MAP2K5: variants seen among roughly 807,000 people sequenced by gnomAD.
MAP2K5 encodes the protein mitogen-activated protein kinase kinase 5, also known as dual specificity mitogen-activated protein kinase kinase 5.
A neutral mutation model predicts 83.1 loss-of-function variants in MAP2K5; 49 were observed. The ratio of observed to expected loss-of-function variants is 0.59; its 90% CI spans 0.47 to 0.75. The LOEUF is 0.75. Ranked by LOEUF, MAP2K5 falls within the 30% of genes least tolerant of loss-of-function variation. The pLI, the probability that MAP2K5 is intolerant of heterozygous loss-of-function variation, is 0.00. For missense variants in MAP2K5, 457 were observed against 557.5 expected, an observed-to-expected ratio of 0.82 and a Z score of 1.82; for synonymous variants, 202 against 191.8, an observed-to-expected ratio of 1.05 and a Z score of -0.44.
chr15:67,668,636 A>T lies in MAP2K5; in HGVS notation c.847+3991A>T, dbSNP rs2087447431. The stretch of plus-strand genomic sequence containing the variant: ...GCCATCATTACCCACATCAAACATA[A>T]ATACAAGATTAACACCTATGCCATT... On this transcript the variant is annotated intron_variant, in intron 13 of 21. Coordinates refer to ENST00000178640, the MANE Select transcript of MAP2K5 (RefSeq NM_145160.3). This position sits in a 1 kb window ranked among gnomAD's most constrained non-coding sequence, Gnocchi z 4.0. 2.0e-5 allele frequency among the ~76,000 whole-genome samples: 3 copies of T among 152,144 alleles called. No homozygotes were observed. The highest frequency in any genetic ancestry group is 2.0e-4 in the Admixed American group (3 of 15,242).
At position 67,585,881 on chromosome 15, in the gene MAP2K5, C is replaced by T; in HGVS notation, c.323-9C>T. The T allele has an allele frequency of 6.2e-7, 1 of 1,613,276 alleles. No individual in the cohort carries two copies. Among genetic ancestry groups the T allele is most frequent in the South Asian group, 1.1e-5 (1 of 91,044 alleles). On this transcript the variant is annotated splice_polypyrimidine_tract_variant and intron_variant, in intron 4 of 21. Transcript: ENST00000178640. ...ATGTGTTCTACAATTTAGTCAATTACTGTTTCAGCCTGCAAGCCTCCTGGG... is the reference window on the plus strand; with the variant it reads ...ATGTGTTCTACAATTTAGTCAATTATTGTTTCAGCCTGCAAGCCTCCTGGG...
intron 12 of MAP2K5, among the ~76,000 whole-genome samples, chr15:67,662,061 G>A (rs2087252042): frequency 1.3e-5 from 2 of 152,010 alleles, no homozygotes; most frequent in African/African-American, 4.8e-5. Flanking sequence ...TTTCCAAACT[G>A]TGGAACAAGT....
At chr15:67,761,569 G>A (rs1211164043) in intron 19 of MAP2K5, among the ~76,000 whole-genome samples, 1 of 152,198 alleles carries the variant, frequency 6.6e-6, no homozygotes, top group Non-Finnish European at 1.5e-5. Flanking sequence ...TGAACATTCA[G>A]GAGGACATAC....
intron 11 of MAP2K5, among the ~76,000 whole-genome samples, chr15:67,647,112 A>T (rs759620697): frequency 8.5e-5 from 13 of 152,212 alleles, no homozygotes; most frequent in Admixed American, 5.2e-4. Flanking sequence ...TAAATTTTAC[A>T]TATTCAGTTT....
chr15:67,590,468 T>TCTCTCTCTCTTTCTCTCTCA (rs59998974), intron 6 of MAP2K5, among the ~76,000 whole-genome samples: 10 of 27,254 alleles, frequency 3.7e-4, no homozygotes, highest in African/African-American at 1.1e-3. Context: ...TCTCTCTCTC[T>TCTCTCTCTCTTTCTCTCTCA]CTCTCTCTTT....
intron 16 of MAP2K5, among the ~76,000 whole-genome samples, chr15:67,712,456 A>G (rs1323824121): frequency 1.3e-5 from 2 of 152,224 alleles, no homozygotes; most frequent in African/African-American, 4.8e-5. Flanking sequence ...CTAAAAAGAA[A>G]AGCAATTTGG....
intron 12 of MAP2K5, among the ~76,000 whole-genome samples, chr15:67,659,733 A>T (rs2087189221): frequency 6.6e-6 from 1 of 152,160 alleles, no homozygotes; most frequent in African/African-American, 2.4e-5. Context: ...AAAGGCAAGG[A>T]TACCAATTGA....
chr15:67,793,749 C>G lies in MAP2K5; in HGVS notation c.1243-12897C>G, dbSNP rs995430050. ...GCCATTTCACTGTATAGAAAATATA[C>G]TCTTTGATCACGTTGTATATAAATG... On this transcript the variant is annotated intron_variant, in intron 21 of 21. Transcript: ENST00000178640. The surrounding 1 kb of genome is among the most constrained non-coding windows in gnomAD (Gnocchi z 4.6). 1.3e-5 allele frequency among the ~76,000 whole-genome samples: 2 copies of G among 152,200 alleles called. No individual in the cohort carries two copies. The highest frequency in any genetic ancestry group is 1.3e-4 in the Admixed American group (2 of 15,284).
At chr15:67,588,026 A>C (rs1170157628) in intron 6 of MAP2K5, 1 of 890,688 alleles carries the variant, frequency 1.1e-6, no homozygotes, top group African/African-American at 1.8e-5. Flanking sequence ...TCCACCCTGC[A>C]GCTGGAGCCA....
At chr15:67,721,209 T>C (rs931814563) in intron 16 of MAP2K5, among the ~76,000 whole-genome samples, 2 of 152,192 alleles carry the variant, frequency 1.3e-5, no homozygotes, top group African/African-American at 4.8e-5. Context: ...TTATCTGTAA[T>C]GCTGTCTTTT....
intron 17 of MAP2K5, among the ~76,000 whole-genome samples, chr15:67,742,122 C>A (rs7167080): frequency 0.99 from 150,226 of 152,198 alleles, 74,172 homozygotes; most frequent in East Asian, 1. Flanking sequence ...TCATGATCTG[C>A]CCTCGTGATC....
At chr15:67,579,717 C>T (rs565498470) in intron 3 of MAP2K5, among the ~76,000 whole-genome samples, 1 of 150,170 alleles carries the variant, frequency 6.7e-6, no homozygotes, top group East Asian at 1.9e-4. Flanking sequence ...AACCCTTGCT[C>T]TTGTAATAAT....
chr15:67,675,001 A>G (rs2087641744), intron 13 of MAP2K5, among the ~76,000 whole-genome samples: 1 of 152,206 alleles, frequency 6.6e-6, no homozygotes, highest in Non-Finnish European at 1.5e-5. Flanking sequence ...GCTGGTAGGA[A>G]TGTAAAATGA....
At chr15:67,579,932 C>T (rs1277196951) in intron 3 of MAP2K5, among the ~76,000 whole-genome samples, 2 of 152,132 alleles carry the variant, frequency 1.3e-5, no homozygotes, top group Admixed American at 6.6e-5. Flanking sequence ...ATAAAATCAG[C>T]AGTTTTCATT....
intron 9 of MAP2K5, among the ~76,000 whole-genome samples, chr15:67,643,397 A>G (rs1210002928): frequency 1.3e-5 from 2 of 152,220 alleles, no homozygotes; most frequent in Non-Finnish European, 2.9e-5. Flanking sequence ...GCAGTTTTGT[A>G]TTACACTTAC....
At chr15:67,762,766 A>G (rs1432770770) in intron 19 of MAP2K5, among the ~76,000 whole-genome samples, 1 of 152,140 alleles carries the variant, frequency 6.6e-6, no homozygotes, top group Non-Finnish European at 1.5e-5. Flanking sequence ...GTTTGTTTAT[A>G]TTTTGTTTTT....
chr15:67,606,348 A>G (rs983854572), intron 8 of MAP2K5, among the ~76,000 whole-genome samples: 13 of 152,282 alleles, frequency 8.5e-5, no homozygotes, highest in South Asian at 4.2e-4. Context: ...TTCTATCTCC[A>G]GCTCCTTCCC....
chr15:67,556,824 A>G (rs904400993), intron 2 of MAP2K5, among the ~76,000 whole-genome samples: 10 of 152,186 alleles, frequency 6.6e-5, no homozygotes, highest in African/African-American at 2.2e-4. Flanking sequence ...AAGTGCTGGC[A>G]TTACAGGTAT....
rs1182545558 is a variant in MAP2K5, at chr15:67,780,674, C to A, written c.1242+7922C>A. Among the ~76,000 whole-genome samples, 3 of 152,186 alleles carry A rather than the reference C, an allele frequency of 2.0e-5. No homozygotes were observed. In the East Asian group the frequency reaches 5.8e-4, roughly 29 times the overall value. The stretch of plus-strand genomic sequence containing the variant: ...CCAGATAAAAAAGGTTTTTGTTTGA[C>A]CTCCTGCTAGGAGAGGTCATCTAGG... On this transcript the variant is annotated intron_variant, in intron 21 of 21. Transcript: ENST00000178640. This position sits in a 1 kb window ranked among gnomAD's most constrained non-coding sequence, Gnocchi z 5.0.
Sources: gnomAD v4.1 joint callset for allele counts (sites outside exome capture counted in the v4.1 genomes callset) on GRCh38, gnomAD v4.1.1 for gene constraint, Gnocchi (gnomAD v3.1) non-coding constraint, MANE v1.5 for transcripts, NCBI Gene and HGNC (gene_info 2026-07-23, HGNC 2026-07-21) for gene names.